MTRF1: variants seen among roughly 807,000 people sequenced by gnomAD.
MTRF1 encodes mitochondrial translation release factor 1.
MTRF1 carries 51 observed loss-of-function variants against 62.9 expected under a neutral mutation model. That is an observed-to-expected ratio of 0.81 (90% CI 0.65 to 1.02). The LOEUF is 1.02. Among genes scored for constraint, MTRF1 ranks in the 50% least tolerant of loss-of-function variants. The pLI, the probability that MTRF1 is intolerant of heterozygous loss-of-function variation, is 0.00. For synonymous variants in MTRF1, 158 were observed against 181.9 expected (o/e 0.87, Z 1.06); for missense variants, 446 against 530.0 (o/e 0.84, Z 1.56).
the MTRF1 span, among the ~76,000 whole-genome samples, chr13:41,300,551 A>G: frequency 3.4e-5 from 5 of 148,910 alleles, no homozygotes; most frequent in African/African-American, 5.0e-5. Flanking sequence ...CGGCCACTGC[A>G]CTCCAGCCTG....
the MTRF1 span, among the ~76,000 whole-genome samples, chr13:41,304,720 G>A: frequency 6.6e-6 from 1 of 152,206 alleles, no homozygotes; most frequent in Non-Finnish European, 1.5e-5. Context: ...CTGATTGCCT[G>A]ATGTTTGCTG....
At chr13:41,272,673 G>A in the MTRF1 span, among the ~76,000 whole-genome samples, 111 of 152,148 alleles carry the variant, frequency 7.3e-4, no homozygotes, top group Non-Finnish European at 2.1e-4. Context: ...CTTACCTAGC[G>A]ATGGGTCTCA....
At chr13:41,296,019 C>G in the MTRF1 span, among the ~76,000 whole-genome samples, 1 of 152,096 alleles carries the variant, frequency 6.6e-6, no homozygotes, top group Non-Finnish European at 1.5e-5. Context: ...GGTACAATCA[C>G]AACTTGCTGT....
Position 41,240,281 on chromosome 13 carries a change from C to T in MTRF1, c.850G>A (p.Val284Ile), listed in dbSNP as rs774595714. ...GTTACCTCATCTGGCTGAGGAAGGA[C>T]AATAACCGACATCGTTCCTGTGTGA... is the stretch of plus-strand genomic sequence containing the variant. ...RIHTGTMSVI[V>I]LPQPDEVDVK... The change falls in exon 6 of 10, where the codon GTC becomes ATC. Residue 284 changes from valine (V) to isoleucine (I), a missense_variant. By Grantham distance (29) the Val-to-Ile change is conservative. Coordinates refer to ENST00000379480, the MANE Select transcript of MTRF1 (RefSeq NM_004294.4). The T allele has an allele frequency of 1.2e-6, 2 of 1,609,794 alleles. No individual in the cohort carries two copies. Among genetic ancestry groups the T allele is most frequent in the Non-Finnish European group, 1.7e-6 (2 of 1,178,032 alleles).
chr13:41,258,348 G>A (rs2039990030), intron 2 of MTRF1, among the ~76,000 whole-genome samples: 1 of 152,110 alleles, frequency 6.6e-6, no homozygotes, highest in South Asian at 2.1e-4. Context: ...CTGGATAAAT[G>A]TTGAATCATA....
chr13:41,217,329 C>A, intron 9 of MTRF1, 101 bp from the exon 10 acceptor site: 2 of 654,914 alleles, frequency 3.1e-6, no homozygotes, highest in Non-Finnish European at 5.3e-6. Flanking sequence ...TATTTAATAA[C>A]AATAAAGGAT....
chr13:41,222,512 A>C (rs2033602747), intron 9 of MTRF1, among the ~76,000 whole-genome samples: 1 of 152,156 alleles, frequency 6.6e-6, no homozygotes, highest in Admixed American at 6.5e-5. Context: ...CTAGGTGACT[A>C]AGCAGCTGAC....
intron 2 of MTRF1, among the ~76,000 whole-genome samples, chr13:41,257,367 G>A (rs897505788): frequency 4.6e-5 from 7 of 152,264 alleles, no homozygotes; most frequent in African/African-American, 1.7e-4. Flanking sequence ...AGTCAGAGAT[G>A]TAATGAAGAT....
In MTRF1 at chr13:41,221,554, C is replaced by T. The variant is rs191652250; in HGVS notation, c.1224+1702G>A. Among the ~76,000 whole-genome samples the T allele has an allele frequency of 2.6e-5, 4 of 152,256 alleles. No homozygotes were observed. The East Asian group carries it at 5.8e-4, about 22-fold the overall frequency. On this transcript the variant is annotated intron_variant, in intron 9 of 9. Coordinates refer to ENST00000379480, the MANE Select transcript of MTRF1 (RefSeq NM_004294.4). Reference sequence around the variant, plus strand: ...TTCATGCTGTTTTCAAACTTTGTTCCTTTCACTACTATGGAATGTCTTCTT... The same window carrying T: ...TTCATGCTGTTTTCAAACTTTGTTCTTTTCACTACTATGGAATGTCTTCTT...
At chr13:41,267,553 A>G (rs987252948), upstream of MTRF1, among the ~76,000 whole-genome samples, 1 of 152,194 alleles carries the variant, frequency 6.6e-6, no homozygotes, top group Non-Finnish European at 1.5e-5. Context: ...AAAAGGAAAA[A>G]TAAAAACTTT....
chr13:41,225,808 T>TA (rs11368326), intron 8 of MTRF1, among the ~76,000 whole-genome samples: 6,030 of 121,062 alleles, frequency 0.05, 188 homozygotes, highest in Middle Eastern at 0.084. Context: ...ACTCTGTCAT[T>TA]AAAAAAAAAA....
chr13:41,257,919 C>G (rs572638870), intron 2 of MTRF1: 1 of 193,282 alleles, frequency 5.2e-6, no homozygotes, highest in Admixed American at 5.2e-5. Context: ...CATAAGAGGA[C>G]TTTGTAAATG....
upstream of MTRF1, among the ~76,000 whole-genome samples, chr13:41,266,227 G>T (rs995894781): frequency 6.6e-6 from 1 of 152,000 alleles, no homozygotes; most frequent in African/African-American, 2.4e-5. Context: ...TAAAATCCTG[G>T]GATTACAGGT....
chr13:41,262,010 G>A (rs1490985146), intron 1 of MTRF1: 1 of 149,544 alleles, frequency 6.7e-6, no homozygotes, highest in Non-Finnish European at 1.5e-5. Context: ...AAAGCACATA[G>A]AGTATTTTTT....
At chr13:41,259,697 G>A (rs1168244259) in intron 2 of MTRF1, among the ~76,000 whole-genome samples, 5 of 17,408 alleles carry the variant, frequency 2.9e-4, no homozygotes, top group Non-Finnish European at 5.1e-4. Flanking sequence ...GCGAGACTCC[G>A]TCTCAAAAAA....
At chr13:41,261,564 G>GA (rs1566189188) in intron 1 of MTRF1, 2 of 153,074 alleles carry the variant, frequency 1.3e-5, no homozygotes. Context: ...ACAAGCTCTT[G>GA]AAAGCTATGA....
At chr13:41,292,580 CAAA>C in the MTRF1 span, among the ~76,000 whole-genome samples, 2 of 61,236 alleles carry the variant, frequency 3.3e-5, no homozygotes, top group Non-Finnish European at 3.2e-5. Flanking sequence ...GATTCTGTCT[CAAA>C]AAAAAAAAAA....
chr13:41,254,850 G>GTT (rs886603098), intron 2 of MTRF1, among the ~76,000 whole-genome samples: 1 of 144,938 alleles, frequency 6.9e-6, no homozygotes, highest in Non-Finnish European at 1.5e-5. Context: ...AAAACCTTGT[G>GTT]TTTTTTTTTT....
intron 6 of MTRF1, among the ~76,000 whole-genome samples, chr13:41,239,017 T>TAA (rs138836913): frequency 6.9e-5 from 10 of 145,392 alleles, no homozygotes; most frequent in African/African-American, 2.5e-4. Flanking sequence ...TCATTATCAC[T>TAA]AAAAAAAAAA....
Sources: gnomAD v4.1 joint callset for allele counts (sites outside exome capture counted in the v4.1 genomes callset) on GRCh38, gnomAD v4.1.1 for gene constraint, MANE v1.5 for transcripts, NCBI Gene and HGNC (gene_info 2026-07-23, HGNC 2026-07-21) for gene names.